COPG2: variants seen among roughly 807,000 people sequenced by gnomAD.
COPG2 encodes the protein coat protein complex I subunit gamma 2.
A neutral mutation model predicts 46.3 loss-of-function variants in COPG2; 37 were observed. The ratio of observed to expected loss-of-function variants is 0.80; its 90% CI spans 0.61 to 1.05. The LOEUF (loss-of-function observed/expected upper bound fraction) is 1.05, where lower values mean the gene tolerates loss of function less well. COPG2 is among the 50% of genes least tolerant of loss of function. The probability of loss-of-function intolerance (pLI) is 0.00; values close to 1 mark genes in which losing one functional copy is unlikely to be tolerated. For synonymous variants in COPG2, 159 were observed against 129.7 expected, an observed-to-expected ratio of 1.23 and a Z score of -1.53; for missense variants, 427 against 387.8, an observed-to-expected ratio of 1.10 and a Z score of -0.85.
At chr7:130,587,895 C>A (rs1409170045) in intron 9 of COPG2, among the ~76,000 whole-genome samples, 4 of 152,148 alleles carry the variant, frequency 2.6e-5, no homozygotes, top group African/African-American at 9.7e-5. Flanking sequence ...ACCTACTCAT[C>A]TGACAAAGGG....
At position 130,508,810 on chromosome 7, in the gene COPG2, AAGCGGGT is replaced by A. The variant is rs1554440596; in HGVS notation, c.2150-158_2150-152del. On this transcript the variant is annotated intron_variant, in intron 20 of 23. Coordinates refer to ENST00000425248, the MANE Select transcript of COPG2 (RefSeq NM_012133.6). ...GTAGTGGTTCTCAAAAGCAGCCTACAAGCGGGTCAGGAAGGCAGTCTCACAAAGCATG... is the reference window on the plus strand; with the variant it reads ...GTAGTGGTTCTCAAAAGCAGCCTACACAGGAAGGCAGTCTCACAAAGCATG... 8.1e-6 allele frequency: 5 copies of A among 617,032 alleles called. No homozygotes were observed. In the African/African-American group the frequency reaches 9.2e-5, roughly 11 times the overall value. The allele number at this position is 617,032 out of a possible 1,614,324, so 38.2% of individuals were successfully genotyped here. A position where few individuals can be genotyped will look rare whatever the true frequency, so the allele number is the denominator to read the frequency against.
intron 9 of COPG2, among the ~76,000 whole-genome samples, chr7:130,579,562 TAA>T (rs1322434630): frequency 7.9e-5 from 12 of 152,080 alleles, no homozygotes; most frequent in African/African-American, 2.9e-4. Flanking sequence ...GCAAATTGGA[TAA>T]AGAGTCACGA....
At position 130,509,406 on chromosome 7, in the gene COPG2, AAAG is replaced by A. The variant is rs138977511; in HGVS notation, c.2150-750_2150-748del. ...GGGATTTAGCAAGCAGGGATGAAGA[AAAG>A]GCATTTAGGATCTTGTCTATGGTCT... On this transcript the variant is annotated intron_variant, in intron 20 of 23. Transcript: ENST00000425248. 747 of 430,098 alleles carry A rather than the reference AAAG, an allele frequency of 1.7e-3. 14 individuals are homozygous for A. In the East Asian group the frequency reaches 0.048, roughly 27 times the overall value. 26.6% of individuals were successfully genotyped at this position (430,098 alleles called of 1,614,324 possible). A position where few individuals can be genotyped will look rare whatever the true frequency, so the allele number is the denominator to read the frequency against.
At chr7:130,519,050 A>G (rs1799704183) in intron 20 of COPG2, among the ~76,000 whole-genome samples, 1 of 151,882 alleles carries the variant, frequency 6.6e-6, no homozygotes, top group African/African-American at 2.4e-5. Context: ...AGTTGAGAAA[A>G]ATTGAAGCTA....
intron 9 of COPG2, among the ~76,000 whole-genome samples, chr7:130,584,998 C>T (rs1794236632): frequency 6.6e-6 from 1 of 151,772 alleles, no homozygotes; most frequent in Non-Finnish European, 1.5e-5. Flanking sequence ...CAAAAAAGAG[C>T]CCATAGCCAA....
At chr7:130,511,407 G>A (rs782134277) in intron 20 of COPG2, 1 of 520,024 alleles carries the variant, frequency 1.9e-6, no homozygotes, top group East Asian at 5.5e-5. Context: ...AGGACATCGA[G>A]GAAAGCTGGG....
chr7:130,645,115 C>A, intron 5 of COPG2: 2 of 391,688 alleles, frequency 5.1e-6, no homozygotes, highest in Non-Finnish European at 1.0e-5. Flanking sequence ...TCCATTTTTT[C>A]AGGTGACTGG....
intron 20 of COPG2, among the ~76,000 whole-genome samples, chr7:130,525,746 G>C (rs1799767749): frequency 6.6e-6 from 1 of 152,192 alleles, no homozygotes; most frequent in South Asian, 2.1e-4. Flanking sequence ...ATCAGTATCA[G>C]CTGGGTACAT....
intron 20 of COPG2, among the ~76,000 whole-genome samples, chr7:130,527,152 G>A (rs1374244278): frequency 1.3e-5 from 2 of 151,736 alleles, no homozygotes; most frequent in Non-Finnish European, 2.9e-5. Context: ...AGGACCTGAT[G>A]GGTGTCCATA....
intron 20 of COPG2, among the ~76,000 whole-genome samples, chr7:130,535,825 T>C (rs974483528): frequency 6.6e-6 from 1 of 151,716 alleles, no homozygotes; most frequent in African/African-American, 2.4e-5. Flanking sequence ...AGTGTTGAGG[T>C]TGATGAATAC....
chr7:130,652,645 G>C lies in COPG2; in HGVS notation c.323+224C>G, dbSNP rs571955664. ...TTTTATCCATTTTTATGAAAATTTT[G>C]ATGCACTCAAATCTATCAGTATTAT... On this transcript the variant is annotated intron_variant, in intron 5 of 23. Transcript: ENST00000425248. Among the ~76,000 whole-genome samples the C allele has an allele frequency of 3.3e-5, 5 of 152,116 alleles. No individual in the cohort carries two copies. The South Asian group carries it at 1.0e-3, about 32-fold the overall frequency.
chr7:130,615,823 G>C (rs767136269), intron 6 of COPG2, among the ~76,000 whole-genome samples: 20 of 152,178 alleles, frequency 1.3e-4, no homozygotes, highest in Admixed American at 1.2e-3. Context: ...CTAGAGGTGG[G>C]ACACCCTGAC....
intron 7 of COPG2, 49 bp downstream of exon 7, chr7:130,613,495 C>T: frequency 8.4e-7 from 1 of 1,184,074 alleles, no homozygotes; most frequent in Non-Finnish European, 1.2e-6. Flanking sequence ...GTTTTCGCAA[C>T]TCAAAACTGT....
At chr7:130,667,588 T>C (rs567210969) in intron 1 of COPG2, 54 bp from the exon 2 acceptor site, 2 of 1,426,854 alleles carry the variant, frequency 1.4e-6, no homozygotes, top group Non-Finnish European at 2.0e-6. Flanking sequence ...TACACAAACT[T>C]ATATACTTTC....
intron 9 of COPG2, chr7:130,607,492 T>C (rs1794757641): frequency 4.6e-6 from 2 of 437,942 alleles, no homozygotes; most frequent in Non-Finnish European, 9.0e-6. Context: ...TGGAGTTTCT[T>C]TAGCAAGAAG....
intron 9 of COPG2, chr7:130,608,246 C>A: frequency 2.2e-6 from 1 of 461,464 alleles, no homozygotes; most frequent in Non-Finnish European, 4.4e-6. Context: ...CATTTTTCTC[C>A]CTCATGCCCT....
intron 20 of COPG2, among the ~76,000 whole-genome samples, chr7:130,544,286 C>A (rs1793392398): frequency 6.6e-6 from 1 of 152,060 alleles, no homozygotes; most frequent in African/African-American, 2.4e-5. Context: ...ATGGTTAATA[C>A]TGAACAAAAA....
intron 9 of COPG2, among the ~76,000 whole-genome samples, chr7:130,588,065 T>C (rs1193930645): frequency 6.6e-6 from 1 of 151,834 alleles, no homozygotes; most frequent in African/African-American, 2.4e-5. Context: ...TCACTGGCCA[T>C]CAGAGAAATG....
At chr7:130,624,243 TG>T (rs1240443188) in intron 5 of COPG2, among the ~76,000 whole-genome samples, 4 of 152,170 alleles carry the variant, frequency 2.6e-5, no homozygotes, top group East Asian at 3.9e-4. Flanking sequence ...AATACATACT[TG>T]GGGGGACACA....
Sources: gnomAD v4.1 joint callset for allele counts (sites outside exome capture counted in the v4.1 genomes callset) on GRCh38, gnomAD v4.1.1 for gene constraint, MANE v1.5 for transcripts, NCBI Gene and HGNC (gene_info 2026-07-23, HGNC 2026-07-21) for gene names.